The following HPS5 variants were observed in gnomAD, a reference collection of about 807,000 sequenced individuals.
The protein encoded by HPS5 is BLOC-2 complex member HPS5.
In HPS5, 83 loss-of-function variants were observed where a neutral mutation model predicts 128.0. The ratio of observed to expected loss-of-function variants is 0.65; its 90% CI spans 0.54 to 0.78. The LOEUF (loss-of-function observed/expected upper bound fraction) is 0.78. Ranked by LOEUF, HPS5 falls within the 30% of genes least tolerant of loss-of-function variation. The pLI is 0.00. For synonymous variants in HPS5, 475 were observed against 470.2 expected, an observed-to-expected ratio of 1.01 and a Z score of -0.13; for missense variants, 1,281 against 1,326.2, an observed-to-expected ratio of 0.97 and a Z score of 0.53.
chr11:18,279,789 G>A lies in HPS5; in HGVS notation c.*93C>T, dbSNP rs1245311236. 5.6e-6 allele frequency: 7 copies of A among 1,244,658 alleles called. No individual in the cohort carries two copies. Among genetic ancestry groups the A allele is most frequent in the South Asian group, 1.2e-5 (1 of 80,982 alleles). 77.1% of individuals were successfully genotyped at this position (1,244,658 alleles called of 1,614,324 possible). ...TAAGATGGCAGGATTTGGGGGTGGT[G>A]TCTTTCCTTCAATAACAAATGCGTT... On this transcript the variant is annotated 3_prime_UTR_variant, in exon 23 of 23. Coordinates refer to ENST00000349215, the MANE Select transcript of HPS5 (RefSeq NM_181507.2).
At chr11:18,313,927 A>T (rs199571403) in intron 2 of HPS5, among the ~76,000 whole-genome samples, 2 of 148,046 alleles carry the variant, frequency 1.4e-5, no homozygotes, top group African/African-American at 5.0e-5. Flanking sequence ...AAAAAAAAAA[A>T]GGCCGGGTGC....
At chr11:18,308,834 A>C in intron 6 of HPS5, 112 bp downstream of exon 6, 1 of 1,026,930 alleles carries the variant, frequency 9.7e-7, no homozygotes, top group Non-Finnish European at 1.4e-6. Flanking sequence ...AAAAAAAAGA[A>C]AAAGAAAAAA....
intron 2 of HPS5, among the ~76,000 whole-genome samples, 175 bp downstream of exon 2, chr11:18,317,576 G>A (rs1863792905): frequency 6.6e-6 from 1 of 152,034 alleles, no homozygotes; most frequent in African/African-American, 2.4e-5. Flanking sequence ...AATTTAAAGG[G>A]GCTCACACTC....
chr11:18,312,150 G>A, intron 2 of HPS5, 126 bp from the exon 3 acceptor site: 2 of 737,296 alleles, frequency 2.7e-6, no homozygotes, highest in Admixed American at 2.0e-5. Context: ...CTGCCCATAT[G>A]GACACAATAT....
intron 2 of HPS5, among the ~76,000 whole-genome samples, chr11:18,315,167 C>A (rs1863469240): frequency 6.6e-6 from 1 of 152,176 alleles, no homozygotes; most frequent in Non-Finnish European, 1.5e-5. Flanking sequence ...GGCTCAGCAA[C>A]CAATACCCCA....
In HPS5 at chr11:18,280,429, C is replaced by T. The variant is rs575963687; in HGVS notation, c.3330-487G>A. The T allele has an allele frequency of 1.3e-3, 781 of 583,286 alleles. 18 individuals are homozygous for T. The South Asian group carries it at 0.016, about 12-fold the overall frequency. 36.1% of individuals were successfully genotyped at this position (583,286 alleles called of 1,614,324 possible). On this transcript the variant is annotated intron_variant, in intron 22 of 22. Coordinates refer to ENST00000349215, the MANE Select transcript of HPS5 (RefSeq NM_181507.2). ...ACATGGAGAAATTGGAACTCTTGTG[C>T]ACTGCTGGCAGGAAAGTAAAATGGT...
Position 18,296,054 on chromosome 11 carries a change from GA to G in HPS5, c.1578del (p.Pro527HisfsTer40). 6.2e-7 allele frequency: 1 copy of G among 1,613,412 alleles called. No homozygotes were observed. Among genetic ancestry groups the G allele is most frequent in the Non-Finnish European group, 8.5e-7 (1 of 1,179,334 alleles). On this transcript the variant is annotated frameshift_variant, in exon 13 of 23. Transcript: ENST00000349215. LOFTEE classifies it high-confidence loss of function. ...GGAGATGGAGAACGAAATGGTAATG[GA>G]ATGCCGAACGGGAGAAAAGTTTCAT... The part of the protein sequence containing the change: ...DKNETFLPFG[I>X]PLPFRSPSPL...
chr11:18,304,507 C>G (rs1862123548), intron 8 of HPS5, among the ~76,000 whole-genome samples: 1 of 152,166 alleles, frequency 6.6e-6, no homozygotes, highest in African/African-American at 2.4e-5. Flanking sequence ...TGAGCCACAC[C>G]CGGCCTTATA....
intron 18 of HPS5, 166 bp from the exon 19 acceptor site, chr11:18,286,876 A>G (rs1325042025): frequency 4.9e-6 from 4 of 818,144 alleles, no homozygotes; most frequent in Non-Finnish European, 5.8e-6. Context: ...ACCAAGCTCC[A>G]AGATAACAAA....
At chr11:18,312,087 T>C in intron 2 of HPS5, 63 bp from the exon 3 acceptor site, 2 of 1,238,210 alleles carry the variant, frequency 1.6e-6, no homozygotes, top group Non-Finnish European at 2.4e-6. Flanking sequence ...GACTATCCAC[T>C]GAAAATAAAT....
intron 1 of HPS5, among the ~76,000 whole-genome samples, chr11:18,321,690 G>A (rs1268202350): frequency 6.6e-6 from 1 of 152,216 alleles, no homozygotes; most frequent in Non-Finnish European, 1.5e-5. Flanking sequence ...AAGAAAGATA[G>A]CAAAAATTGA....
chr11:18,286,509 T>A, intron 19 of HPS5, 82 bp downstream of exon 19: 3 of 1,400,000 alleles, frequency 2.1e-6, no homozygotes, highest in Admixed American at 2.0e-5. Context: ...AGCACCACAT[T>A]CCAGCCTAGG....
At position 18,295,004 on chromosome 11, in the gene HPS5, A is replaced by C. The variant is rs748630741; in HGVS notation, c.1784+16T>G. ...GATTCCCTAGAATGTATAGAGATTTATGTGTAAGGGCTTACTCAGTGTCTT... is the reference window on the plus strand; with the variant it reads ...GATTCCCTAGAATGTATAGAGATTTCTGTGTAAGGGCTTACTCAGTGTCTT... On this transcript the variant is annotated intron_variant, in intron 14 of 22. Coordinates refer to ENST00000349215, the MANE Select transcript of HPS5 (RefSeq NM_181507.2). 1 of 1,613,618 alleles carries C rather than the reference A, an allele frequency of 6.2e-7. No individual in the cohort carries two copies. The highest frequency in any genetic ancestry group is 8.5e-7 in the Non-Finnish European group (1 of 1,179,572).
intron 14 of HPS5, among the ~76,000 whole-genome samples, chr11:18,294,017 T>C (rs1370881602): frequency 3.3e-5 from 5 of 152,236 alleles, no homozygotes; most frequent in Admixed American, 3.3e-4. Context: ...ACTGGTCCCA[T>C]GGGTTTCTCT....
chr11:18,298,610 C>G lies in HPS5; in HGVS notation c.1164+182G>C, dbSNP rs1388708247. Among the ~76,000 whole-genome samples, 3 of 152,166 alleles carry G rather than the reference C, an allele frequency of 2.0e-5. No homozygotes were observed. The South Asian group carries it at 6.2e-4, about 32-fold the overall frequency. On this transcript the variant is annotated intron_variant, in intron 10 of 22. Coordinates refer to ENST00000349215, the MANE Select transcript of HPS5 (RefSeq NM_181507.2). ...TGATGTTTTAAATGAAAATTGTACC[C>G]TCTTTCTTACCCTCTATCCACCCCT...
intron 18 of HPS5, 66 bp downstream of exon 18, chr11:18,287,469 C>T: frequency 1.3e-6 from 2 of 1,549,066 alleles, no homozygotes; most frequent in Middle Eastern, 1.7e-4. Context: ...GTGACACCTG[C>T]TTATAAAAGA....
At chr11:18,313,289 T>C (rs1218646731) in intron 2 of HPS5, among the ~76,000 whole-genome samples, 2 of 152,132 alleles carry the variant, frequency 1.3e-5, no homozygotes, top group East Asian at 1.9e-4. Context: ...GAAATGAATA[T>C]GAGATATCAG....
chr11:18,286,677 C>T lies in HPS5; in HGVS notation c.2751G>A (p.Glu917=). Residue 917 remains glutamate, a synonymous_variant, in exon 19 of 23, where the codon GAG becomes GAA. Transcript: ENST00000349215. ...AAAGCAGCCAATCCAACCTTAAAGA[C>T]TCTGGTTGCAGAAGGGACTCAAGAA... ...SSFLESLLQP[E]SLRLDWLLLA... The T allele has an allele frequency of 6.2e-7, 1 of 1,613,998 alleles. No homozygotes were observed. The highest frequency in any genetic ancestry group is 8.5e-7 in the Non-Finnish European group (1 of 1,179,964).
At position 18,308,833 on chromosome 11, in the gene HPS5, AAAAAG is replaced by A; in HGVS notation, c.611+108_611+112del. ...CCCATCTCAAAAAAAGAAAAAAAAG[AAAAAG>A]AAAAAAAATCTGTATAACTGATTGA... On this transcript the variant is annotated intron_variant, in intron 6 of 22. Transcript: ENST00000349215. 10 of 1,004,612 alleles carry A rather than the reference AAAAAG, an allele frequency of 1.0e-5. 1 individual carries two copies. The highest frequency in any genetic ancestry group is 8.1e-5 in the Admixed American group (3 of 37,058). The allele number at this position is 1,004,612 out of a possible 1,614,324, so 62.2% of individuals were successfully genotyped here. A position where few individuals can be genotyped will look rare whatever the true frequency, so the allele number is the denominator to read the frequency against.
Sources: allele counts gnomAD v4.1 joint callset (sites outside exome capture counted in the v4.1 genomes callset), GRCh38; gene constraint gnomAD v4.1.1; transcripts MANE v1.5; gene names NCBI Gene and HGNC (gene_info 2026-07-23, HGNC 2026-07-21).